The following MYH7B variants were observed in gnomAD, a reference collection of about 807,000 sequenced individuals.
The protein encoded by MYH7B is myosin-7B.
In MYH7B, 205 loss-of-function variants were observed where a neutral mutation model predicts 234.5. That is an observed-to-expected ratio of 0.87 (90% CI 0.78 to 0.98). The LOEUF is 0.98. Among genes scored for constraint, MYH7B ranks in the 50% least tolerant of loss-of-function variants. MYH7B has a pLI of 0.00. For missense variants in MYH7B, 2,652 were observed against 2,633.4 expected, an observed-to-expected ratio of 1.01 and a Z score of -0.15; for synonymous variants, 1,193 against 1,105.0, an observed-to-expected ratio of 1.08 and a Z score of -1.58.
At chr20:34,985,506 C>T (rs138627238) in intron 13 of MYH7B, among the ~76,000 whole-genome samples, 7 of 152,230 alleles carry the variant, frequency 4.6e-5, no homozygotes, top group Non-Finnish European at 8.8e-5. Context: ...GCCTGGCCCA[C>T]GGCCCTCCTG....
In MYH7B at chr20:34,980,380, C is replaced by T. The variant is rs186379561; in HGVS notation, c.343-198C>T. On this transcript the variant is annotated intron_variant, in intron 7 of 44. Coordinates refer to ENST00000262873, the Ensembl canonical transcript of MYH7B. Reference sequence around the variant, plus strand: ...CCTGGCCAACATGGTGAAACCCCGTCTGTACTAAAAATACAAAAATTAGCC... The same window carrying T: ...CCTGGCCAACATGGTGAAACCCCGTTTGTACTAAAAATACAAAAATTAGCC... The T allele has an allele frequency of 3.0e-4, 166 of 551,562 alleles. No individual in the cohort carries two copies. The African/African-American group carries it at 3.0e-3, about 10-fold the overall frequency. The allele number at this position is 551,562 out of a possible 1,614,324, so 34.2% of individuals were successfully genotyped here. A position where few individuals can be genotyped will look rare whatever the true frequency, so the allele number is the denominator to read the frequency against.
chr20:34,998,695 C>G (rs1281450761), intron 34 of MYH7B, 24 bp from the exon 35 acceptor site: 1 of 1,611,714 alleles, frequency 6.2e-7, no homozygotes, highest in Non-Finnish European at 8.5e-7. Flanking sequence ...TGCACTAACG[C>G]TGAGGTCACT....
At chr20:34,979,270 C>T (rs2081903221) in intron 5 of MYH7B, 120 bp from the exon 6 acceptor site, 2 of 719,418 alleles carry the variant, frequency 2.8e-6, no homozygotes, top group African/African-American at 3.6e-5. Flanking sequence ...ACTCCTGGGT[C>T]CTGGCAGAGG....
At chr20:34,959,768 C>T (rs562301579) in intron 2 of MYH7B, among the ~76,000 whole-genome samples, 3 of 152,278 alleles carry the variant, frequency 2.0e-5, no homozygotes, top group African/African-American at 7.2e-5. Context: ...TGAGCCACCG[C>T]GCCTGGCTTT....
chr20:34,996,016 A>AGCTTAGGTTCTCACAG (rs148213919), intron 28 of MYH7B, among the ~76,000 whole-genome samples: 12,293 of 152,176 alleles, frequency 0.081, 579 homozygotes, highest in South Asian at 0.13. Flanking sequence ...AGGGGTAGGC[A>AGCTTAGGTTCTCACAG]GCTTAGGTTC....
chr20:34,957,534 G>C (rs905695856), intron 1 of MYH7B, among the ~76,000 whole-genome samples: 9 of 130,868 alleles, frequency 6.9e-5, no homozygotes, highest in Admixed American at 4.5e-4. Context: ...TTGTTGCCCA[G>C]GCTGGAGTGC....
At chr20:34,990,441 C>G in intron 22 of MYH7B, 131 bp downstream of exon 22, 9 of 1,018,380 alleles carry the variant, frequency 8.8e-6, no homozygotes, top group African/African-American at 1.6e-5. Flanking sequence ...CTCCTCTCCA[C>G]GTGAACATCA....
At chr20:34,982,366 G>T (rs1449995613) in intron 9 of MYH7B, 93 bp from the exon 10 acceptor site, 4 of 1,054,450 alleles carry the variant, frequency 3.8e-6, no homozygotes, top group Non-Finnish European at 5.8e-6. Context: ...GGGGGAAGGA[G>T]AGGTGGAGGG....
chr20:34,995,322 C>T lies in MYH7B; in HGVS notation c.2701-14C>T, dbSNP rs770605922. The T allele has an allele frequency of 1.0e-4, 167 of 1,609,240 alleles. No homozygotes were observed. The East Asian group carries it at 2.6e-3, about 25-fold the overall frequency. On this transcript the variant is annotated splice_polypyrimidine_tract_variant and intron_variant, in intron 27 of 44. Transcript: ENST00000262873. ...GCCCTCCCCCAACCTGGCCCCGTTC[C>T]GTGTGCCCTCCAGGAGCAGGACAAC...
intron 24 of MYH7B, among the ~76,000 whole-genome samples, chr20:34,991,481 A>G (rs1480086477): frequency 1.3e-5 from 2 of 152,096 alleles, no homozygotes; most frequent in Non-Finnish European, 1.5e-5. Flanking sequence ...TTTGATTTGG[A>G]GGAGAGGTGA....
At chr20:34,960,840 C>G (rs1315495737) in intron 2 of MYH7B, among the ~76,000 whole-genome samples, 2 of 152,182 alleles carry the variant, frequency 1.3e-5, no homozygotes, top group Admixed American at 1.3e-4. Context: ...TAGGCCTGTC[C>G]CTGACACTTT....
chr20:34,963,787 C>T (rs939903774), intron 2 of MYH7B, among the ~76,000 whole-genome samples: 2 of 152,082 alleles, frequency 1.3e-5, no homozygotes, highest in East Asian at 3.8e-4. Context: ...CATTTTTACC[C>T]TCCTATTAGG....
In MYH7B at chr20:34,984,583, C is replaced by G. The variant is rs906899658; in HGVS notation, c.625-109C>G. The G allele has an allele frequency of 2.9e-5, 28 of 961,524 alleles. No homozygotes were observed. The African/African-American group carries it at 4.6e-4, about 16-fold the overall frequency. The allele number at this position is 961,524 out of a possible 1,614,324, so 59.6% of individuals were successfully genotyped here. On this transcript the variant is annotated intron_variant, in intron 10 of 44. Transcript: ENST00000262873. ...GGGGGCCATGCATTCCGGTGACTAA[C>G]TCCACCCCCCTGTCCTGCTGCCCGC...
At chr20:34,990,697 T>C (rs762127053) in intron 22 of MYH7B, 41 bp from the exon 23 acceptor site, 1 of 1,593,826 alleles carries the variant, frequency 6.3e-7, no homozygotes, top group Admixed American at 1.7e-5. Context: ...TCTGGTTCTC[T>C]GCCCCCTTTG....
chr20:34,997,388 G>C, exon 32 of MYH7B: 1 of 1,511,198 alleles, frequency 6.6e-7, no homozygotes, highest in Non-Finnish European at 8.8e-7. Context: ...GCGCATCCGC[G>C]GGGCAGCGCG....
exon 32 of MYH7B, chr20:34,997,263 G>A (rs745346727): frequency 1.3e-6 from 2 of 1,558,876 alleles, no homozygotes; most frequent in Non-Finnish European, 1.7e-6. Flanking sequence ...TCGGGCGGAG[G>A]AGCTGGAAGA....
intron 2 of MYH7B, among the ~76,000 whole-genome samples, chr20:34,974,595 A>G (rs531918660): frequency 3.9e-5 from 6 of 152,244 alleles, no homozygotes; most frequent in Admixed American, 2.6e-4. Flanking sequence ...TCAGACCCAC[A>G]TGATAGGTGT....
chr20:34,971,404 C>T (rs574742200), intron 2 of MYH7B, among the ~76,000 whole-genome samples: 2 of 152,270 alleles, frequency 1.3e-5, no homozygotes, highest in South Asian at 2.1e-4. Flanking sequence ...CCCCTCCCCC[C>T]AGTAACCTTT....
chr20:34,967,802 G>GACCAAGCC (rs2081757044), intron 2 of MYH7B, among the ~76,000 whole-genome samples: 1 of 152,192 alleles, frequency 6.6e-6, no homozygotes, highest in African/African-American at 2.4e-5. Flanking sequence ...ATGGGAAACT[G>GACCAAGCC]ACCAAGCCTG....
Sources: gnomAD v4.1 joint callset for allele counts (sites outside exome capture counted in the v4.1 genomes callset) on GRCh38, gnomAD v4.1.1 for gene constraint, MANE v1.5 for transcripts, NCBI Gene and HGNC (gene_info 2026-07-23, HGNC 2026-07-21) for gene names.